IGDCC3: variants seen among roughly 807,000 people sequenced by gnomAD.
The protein encoded by IGDCC3 is putative neuronal cell adhesion molecule.
Under a neutral mutation model 72.0 loss-of-function variants are expected in IGDCC3, and 47 were observed. That is an observed-to-expected ratio of 0.65 (90% confidence interval 0.52 to 0.83). The LOEUF is 0.83. IGDCC3 is among the 40% of genes least tolerant of loss of function. The pLI, the probability that IGDCC3 is intolerant of heterozygous loss-of-function variation, is 0.00. For synonymous variants in IGDCC3, 477 were observed against 472.8 expected (o/e 1.01, Z -0.11); for missense variants, 1,038 against 1,091.3 (o/e 0.95, Z 0.69).
At chr15:65,341,318 A>G (rs1408317120) in intron 2 of IGDCC3, among the ~76,000 whole-genome samples, 4 of 151,140 alleles carry the variant, frequency 2.6e-5, no homozygotes, top group Non-Finnish European at 4.4e-5. Context: ...ACACGGTATG[A>G]TAACTCCTCA....
At chr15:65,347,159 G>C (rs1335464245) in intron 2 of IGDCC3, among the ~76,000 whole-genome samples, 3 of 152,184 alleles carry the variant, frequency 2.0e-5, no homozygotes, top group Non-Finnish European at 4.4e-5. Flanking sequence ...TGGTTAGGGG[G>C]GCCCAGGCTG....
At position 65,329,427 on chromosome 15, in the gene IGDCC3, G is replaced by T. The variant is rs145360224; in HGVS notation, c.2168C>A (p.Pro723Gln). The T allele has an allele frequency of 1.9e-6, 3 of 1,601,514 alleles. No homozygotes were observed. The South Asian group carries it at 3.4e-5, about 18-fold the overall frequency. Residue 723 changes from proline (P) to glutamine (Q), a missense_variant, in exon 13 of 14, where the codon CCG (proline) becomes CAG (glutamine). Physicochemically the swap from Pro to Gln is moderately conservative, Grantham distance 76. Transcript: ENST00000327987. The surrounding 1 kb of genome is among the most constrained non-coding windows in gnomAD (Gnocchi z 4.1). ...DMKELEQLFP[P>Q]ASAAGQPDPR... is the part of the protein sequence containing the mutation. ...GTCCGGCTGCCCTGCTGCGCTGGCC[G>T]GGGGGAACAGCTGCTCCAGCTCCTT...
At chr15:65,366,207 C>CA (rs35152855) in intron 2 of IGDCC3, among the ~76,000 whole-genome samples, 1,315 of 76,424 alleles carry the variant, frequency 0.017, 17 homozygotes, top group Middle Eastern at 0.037. Flanking sequence ...GACATTGTCT[C>CA]AAAAAAAAAA....
chr15:65,338,890 G>A (rs1236327147), intron 2 of IGDCC3, among the ~76,000 whole-genome samples: 2 of 151,956 alleles, frequency 1.3e-5, no homozygotes, highest in East Asian at 3.9e-4. Flanking sequence ...TGGTTCATAA[G>A]CAATAGTATT....
chr15:65,331,667 G>A lies in IGDCC3; in HGVS notation c.1149-8C>T. On this transcript the variant is annotated splice_region_variant and splice_polypyrimidine_tract_variant and intron_variant, in intron 7 of 13. Transcript: ENST00000327987. ...CCAGAAATGGTCAGTGTGCTGCAGG[G>A]GAGAGAGACAGCCTCAGGTTCCCTC... 6.3e-7 allele frequency: 1 copy of A among 1,583,488 alleles called. No individual in the cohort carries two copies. Among genetic ancestry groups the A allele is most frequent in the Non-Finnish European group, 8.6e-7 (1 of 1,160,360 alleles).
rs538671899 is a variant in IGDCC3, at chr15:65,354,050, C to T, written c.410-18094G>A. On this transcript the variant is annotated intron_variant, in intron 2 of 13. Coordinates refer to ENST00000327987, the MANE Select transcript of IGDCC3 (RefSeq NM_004884.4). Reference sequence around the variant, plus strand: ...CCTCCCAAGTAGCTGGGATTACAGGCGCATGCCACCACACCTGGCAAATTT... The same window carrying T: ...CCTCCCAAGTAGCTGGGATTACAGGTGCATGCCACCACACCTGGCAAATTT... 1.1e-4 allele frequency among the ~76,000 whole-genome samples: 17 copies of T among 152,186 alleles called. No individual in the cohort carries two copies. In the East Asian group the frequency reaches 2.5e-3, roughly 22 times the overall value.
At chr15:65,331,326 G>A in intron 8 of IGDCC3, 86 bp downstream of exon 8, 20 of 1,563,576 alleles carry the variant, frequency 1.3e-5, no homozygotes, top group South Asian at 7.3e-5. Flanking sequence ...AGAAGGAAAG[G>A]GAGGCATCGG....
intron 2 of IGDCC3, among the ~76,000 whole-genome samples, chr15:65,356,847 G>GTTTTTTTTTTTTTTTTTTT (rs1189300061): frequency 3.2e-5 from 2 of 61,780 alleles, no homozygotes; most frequent in African/African-American, 1.8e-4. Context: ...GAATGGACCT[G>GTTTTTTTTTTTTTTTTTTT]CTTTTTTTTT....
chr15:65,329,126 G>A lies in IGDCC3; in HGVS notation c.2228C>T (p.Pro743Leu), dbSNP rs1175564277. ...RPTQDPAAPA[P>L]CEETQLSVLP... ...CACGGAGAGCTGGGTCTCCTCACACGGAGCGGGGGCTGCAGGATCCTGCTG... is the reference window on the plus strand; with the variant it reads ...CACGGAGAGCTGGGTCTCCTCACACAGAGCGGGGGCTGCAGGATCCTGCTG... The change falls in exon 14 of 14, where the codon CCG (proline) becomes CTG (leucine). Residue 743 changes from proline (P) to leucine (L), a missense_variant. By Grantham distance (98) the Pro-to-Leu change is moderately conservative. Coordinates refer to ENST00000327987, the MANE Select transcript of IGDCC3 (RefSeq NM_004884.4). The surrounding 1 kb of genome is among the most constrained non-coding windows in gnomAD (Gnocchi z 4.1). 9 of 1,609,556 alleles carry A rather than the reference G, an allele frequency of 5.6e-6. No individual in the cohort carries two copies. The East Asian group carries it at 8.9e-5, about 16-fold the overall frequency.
chr15:65,331,495 G>C lies in IGDCC3; in HGVS notation c.1313C>G (p.Thr438Ser), dbSNP rs762818090. ...RNVRAVSVSS[T>S]EVRVSWSEPL... is the part of the protein sequence containing the mutation. ...CTCACTCCAGGACACACGCACCTCA[G>C]TGGAAGACACAGAGACTGCCCGCAC... Residue 438 changes from threonine (T) to serine (S), a missense_variant, in exon 8 of 14, where the codon ACT (threonine) becomes AGT (serine). Transcript: ENST00000327987. The C allele has an allele frequency of 3.7e-6, 6 of 1,613,716 alleles. No individual in the cohort carries two copies. In the Admixed American group the frequency reaches 8.3e-5, roughly 22 times the overall value.
chr15:65,364,493 T>G (rs2140166797), intron 2 of IGDCC3, among the ~76,000 whole-genome samples: 1 of 152,190 alleles, frequency 6.6e-6, no homozygotes, highest in East Asian at 1.9e-4. Flanking sequence ...CCAGGGTGCT[T>G]TGGAAACTCA....
chr15:65,333,113 C>G, intron 6 of IGDCC3, 144 bp downstream of exon 6: 1 of 751,964 alleles, frequency 1.3e-6, no homozygotes, highest in Non-Finnish European at 2.0e-6. Flanking sequence ...CGCCTTTGGC[C>G]TGGCCTGGGG....
chr15:65,330,149 C>T, intron 11 of IGDCC3, 144 bp downstream of exon 11: 2 of 716,112 alleles, frequency 2.8e-6, no homozygotes, highest in Admixed American at 2.4e-5. Flanking sequence ...GTAACTTGAC[C>T]AAGGTCACAC....
chr15:65,348,012 C>T (rs1419673368), intron 2 of IGDCC3, among the ~76,000 whole-genome samples: 1 of 152,120 alleles, frequency 6.6e-6, no homozygotes, highest in African/African-American at 2.4e-5. Context: ...GGAGCCGGCC[C>T]AAGCCCACTA....
chr15:65,332,862 C>T (rs1338320128), intron 6 of IGDCC3, among the ~76,000 whole-genome samples: 1 of 152,246 alleles, frequency 6.6e-6, no homozygotes, highest in Non-Finnish European at 1.5e-5. Context: ...AAATGACAAG[C>T]AGGCCCGGAG....
chr15:65,331,341 C>T (rs1420788501), intron 8 of IGDCC3, 71 bp downstream of exon 8: 27 of 1,566,886 alleles, frequency 1.7e-5, no homozygotes, highest in East Asian at 4.5e-5. Context: ...CATCGGGTCA[C>T]GACGTGCAGG....
Position 65,331,492 on chromosome 15 carries a change from T to C in IGDCC3, c.1316A>G (p.Glu439Gly), listed in dbSNP as rs773338896. ...CGGCTCACTCCAGGACACACGCACC[T>C]CAGTGGAAGACACAGAGACTGCCCG... ...NVRAVSVSST[E>G]VRVSWSEPLA... The change falls in exon 8 of 14, where the codon GAG (glutamate) becomes GGG (glycine). Residue 439 changes from glutamate to glycine, a missense_variant. Coordinates refer to ENST00000327987, the MANE Select transcript of IGDCC3 (RefSeq NM_004884.4). The C allele has an allele frequency of 6.2e-7, 1 of 1,613,674 alleles. No individual in the cohort carries two copies. The highest frequency in any genetic ancestry group is 8.5e-7 in the Non-Finnish European group (1 of 1,179,964).
intron 2 of IGDCC3, among the ~76,000 whole-genome samples, chr15:65,351,130 G>A (rs772972447): frequency 6.6e-5 from 10 of 152,154 alleles, no homozygotes; most frequent in South Asian, 2.1e-4. Flanking sequence ...AGTTAAAGTC[G>A]TATTATTCAG....
In IGDCC3 at chr15:65,336,998, C is replaced by T. The variant is rs551018709; in HGVS notation, c.410-1042G>A. Among the ~76,000 whole-genome samples, 11 of 152,318 alleles carry T rather than the reference C, an allele frequency of 7.2e-5. No homozygotes were observed. In the East Asian group the frequency reaches 2.1e-3, roughly 29 times the overall value. On this transcript the variant is annotated intron_variant, in intron 2 of 13. Transcript: ENST00000327987. ...TCCATCAACTGGGACAGTCGCTCCC[C>T]TCCCAGAGGAAGCCCTCCCCCACAG...
Sources: gnomAD v4.1 joint callset for allele counts (sites outside exome capture counted in the v4.1 genomes callset) on GRCh38, gnomAD v4.1.1 for gene constraint, Gnocchi (gnomAD v3.1) non-coding constraint, MANE v1.5 for transcripts, NCBI Gene and HGNC (gene_info 2026-07-23, HGNC 2026-07-21) for gene names.